Variants in LHX6 observed in about 807,000 individuals in gnomAD.
LHX6 encodes LIM homeobox 6.
A neutral mutation model predicts 47.1 loss-of-function variants in LHX6; 15 were observed. The ratio of observed to expected loss-of-function variants is 0.32; its 90% CI spans 0.21 to 0.49. LHX6 has a LOEUF of 0.49. Ranked by LOEUF, LHX6 falls within the 20% of genes least tolerant of loss-of-function variation. The pLI, the probability that LHX6 is intolerant of heterozygous loss-of-function variation, is 0.99. For missense variants in LHX6, 404 were observed against 539.6 expected (o/e 0.75, Z 2.49); for synonymous variants, 242 against 233.5 (o/e 1.04, Z -0.33).
Position 122,226,312 on chromosome 9 carries a change from T to TG in LHX6, c.461+63dup. On this transcript the variant is annotated intron_variant, in intron 4 of 9. Transcript: ENST00000394319. The surrounding 1 kb of genome is among the most constrained non-coding windows in gnomAD (Gnocchi z 6.5). The stretch of plus-strand genomic sequence containing the variant: ...GAGGAGAGACCACACGCCGCAAAAG[T>TG]GGCCTCCGAATGCGCCCGGGGCCTG... 4 of 1,552,696 alleles carry TG rather than the reference T, an allele frequency of 2.6e-6. No homozygotes were observed. The highest frequency in any genetic ancestry group is 3.5e-6 in the Non-Finnish European group (4 of 1,149,550).
chr9:122,221,133 T>G, intron 4 of LHX6: 1 of 985,496 alleles, frequency 1.0e-6, no homozygotes, highest in Non-Finnish European at 1.2e-6. Flanking sequence ...TTAGATCCTG[T>G]GAGGCGAACA....
chr9:122,204,560 G>A lies in LHX6; in HGVS notation c.*200C>T, dbSNP rs1830096926. 1 of 488,044 alleles carries A rather than the reference G, an allele frequency of 2.0e-6. No homozygotes were observed. The highest frequency in any genetic ancestry group is 3.7e-6 in the Non-Finnish European group (1 of 272,206). 30.2% of individuals were successfully genotyped at this position (488,044 alleles called of 1,614,324 possible). A position where few individuals can be genotyped will look rare whatever the true frequency, so the allele number is the denominator to read the frequency against. On this transcript the variant is annotated 3_prime_UTR_variant, in exon 10 of 10. Transcript: ENST00000394319. ...TTCTGCCTTCCAAGAGGAGGACTCT[G>A]TGGTGCTCCTGGTGGGTTCTGGTTC...
At position 122,226,493 on chromosome 9, in the gene LHX6, T is replaced by C; in HGVS notation, c.344A>G (p.Asn115Ser). The C allele has an allele frequency of 6.2e-7, 1 of 1,613,022 alleles. No individual in the cohort carries two copies. The highest frequency in any genetic ancestry group is 1.1e-5 in the South Asian group (1 of 90,998). The change falls in exon 4 of 10, where the codon AAC (asparagine) becomes AGC (serine). Residue 115 changes from asparagine (N) to serine (S), a missense_variant. Transcript: ENST00000394319. This position sits in a 1 kb window ranked among gnomAD's most constrained non-coding sequence, Gnocchi z 6.5. ...EILDRYLLKVNNLIWHVRCLE... is the reference protein window; with the variant it reads ...EILDRYLLKVSNLIWHVRCLE... ...GCACCGCACGTGCCAGATGAGGTTGTTGACCTGGGGACGGGGCGGGGACGG... is the reference window on the plus strand; with the variant it reads ...GCACCGCACGTGCCAGATGAGGTTGCTGACCTGGGGACGGGGCGGGGACGG...
chr9:122,219,185 AC>A (rs1304009946), intron 4 of LHX6, among the ~76,000 whole-genome samples: 1 of 152,224 alleles, frequency 6.6e-6, no homozygotes, highest in Non-Finnish European at 1.5e-5. Flanking sequence ...GTTGGGTTGG[AC>A]TGAGTGCAGG....
At chr9:122,216,093 G>A (rs1481625871) in intron 5 of LHX6, among the ~76,000 whole-genome samples, 1 of 152,178 alleles carries the variant, frequency 6.6e-6, no homozygotes, top group Non-Finnish European at 1.5e-5. Flanking sequence ...TTAAGAGGCT[G>A]GGCTTTGGAG....
intron 4 of LHX6, chr9:122,221,195 G>A: frequency 1.0e-6 from 1 of 985,268 alleles, no homozygotes; most frequent in African/African-American, 1.7e-5. Flanking sequence ...TTCCCTTCTA[G>A]GTAAACCCGT....
chr9:122,214,275 A>C lies in LHX6; in HGVS notation c.783+8T>G. 1 of 1,585,688 alleles carries C rather than the reference A, an allele frequency of 6.3e-7. No homozygotes were observed. On this transcript the variant is annotated splice_region_variant and intron_variant, in intron 6 of 9. Coordinates refer to ENST00000394319, the MANE Select transcript of LHX6 (RefSeq NM_014368.5). The surrounding 1 kb of genome is among the most constrained non-coding windows in gnomAD (Gnocchi z 4.6). ...CCCGCCCCCGCCGCCCACTGCTTGC[A>C]GCGGTACCTGCAGCTGTTCCGCGGT... is the stretch of plus-strand genomic sequence containing the variant.
In LHX6 at chr9:122,228,671, G is replaced by A; in HGVS notation, c.70C>T (p.Pro24Ser). Residue 24 changes from proline (P) to serine (S), a missense_variant, in exon 1 of 10, where the codon CCC (proline) becomes TCC (serine). Coordinates refer to ENST00000394319, the MANE Select transcript of LHX6 (RefSeq NM_014368.5). The stretch of plus-strand genomic sequence containing the variant: ...CGCCGGCTCACCTGGTCGGTGGCGG[G>A]GCCGCCCTCGGCCGGCAGCCGGCAG... Reference protein sequence around the residue: ...EGCRLPAEGGPATDQVMAQPG... With the variant: ...EGCRLPAEGGSATDQVMAQPG... 1.6e-6 allele frequency: 2 copies of A among 1,287,300 alleles called. No homozygotes were observed. The highest frequency in any genetic ancestry group is 9.8e-7 in the Non-Finnish European group (1 of 1,018,458). The allele number at this position is 1,287,300 out of a possible 1,614,324, so 79.7% of individuals were successfully genotyped here. A position where few individuals can be genotyped will look rare whatever the true frequency, so the allele number is the denominator to read the frequency against.
intron 1 of LHX6, chr9:122,228,096 C>G: frequency 1.6e-6 from 1 of 606,926 alleles, no homozygotes; most frequent in Non-Finnish European, 2.9e-6. Flanking sequence ...ACCCCGAGCG[C>G]GGTGAGCACC....
At position 122,217,701 on chromosome 9, in the gene LHX6, G is replaced by C. The variant is rs559379933; in HGVS notation, c.462-413C>G. On this transcript the variant is annotated intron_variant, in intron 4 of 9. Transcript: ENST00000394319. The surrounding 1 kb of genome is among the most constrained non-coding windows in gnomAD (Gnocchi z 4.9). Reference sequence around the variant, plus strand: ...CTCATTTTGCAGGTGAGGAAAATGGGGACTAGAGAGGTAAAGTAACTTGCA... The same window carrying C: ...CTCATTTTGCAGGTGAGGAAAATGGCGACTAGAGAGGTAAAGTAACTTGCA... Among the ~76,000 whole-genome samples, 192 of 152,256 alleles carry C rather than the reference G, an allele frequency of 1.3e-3. 1 individual carries two copies. The highest frequency in any genetic ancestry group is 4.1e-3 in the African/African-American group (172 of 41,552).
intron 4 of LHX6, among the ~76,000 whole-genome samples, chr9:122,220,056 C>T (rs568498223): frequency 3.9e-5 from 6 of 152,346 alleles, no homozygotes; most frequent in African/African-American, 1.4e-4. Context: ...GCGCTTGGCT[C>T]GTGGGATTCT....
intron 4 of LHX6, among the ~76,000 whole-genome samples, chr9:122,225,023 T>C (rs575091547): frequency 1.3e-5 from 2 of 152,288 alleles, no homozygotes; most frequent in South Asian, 4.1e-4. Flanking sequence ...CTCATGGTTT[T>C]CAGAGTACCC....
At position 122,209,649 on chromosome 9, in the gene LHX6, C is replaced by T. The variant is rs781424815; in HGVS notation, c.1123G>A (p.Asp375Asn). The change falls in exon 9 of 10, where the codon GAT becomes AAT. Residue 375 changes from aspartate to asparagine, a missense_variant. Transcript: ENST00000394319. The part of the protein sequence containing the change: ...YTAPPVHLKA[D>N]MDGPLSNRGE... ...CGGTTGGAGAGCGGCCCATCCATAT[C>T]GGCTTTGAGGTGGACGGGGGGTGCG... 13 of 1,532,782 alleles carry T rather than the reference C, an allele frequency of 8.5e-6. No individual in the cohort carries two copies. The highest frequency in any genetic ancestry group is 1.1e-5 in the South Asian group (1 of 89,456). The allele number at this position is 1,532,782 out of a possible 1,614,324, so 94.9% of individuals were successfully genotyped here. A position where few individuals can be genotyped will look rare whatever the true frequency, so the allele number is the denominator to read the frequency against.
chr9:122,212,722 C>A (rs1436508720), intron 8 of LHX6, among the ~76,000 whole-genome samples: 1 of 152,164 alleles, frequency 6.6e-6, no homozygotes, highest in Non-Finnish European at 1.5e-5. Context: ...TGCATCTCCG[C>A]CACAGTACTC....
chr9:122,214,128 A>T lies in LHX6; in HGVS notation c.784-59T>A. The T allele has an allele frequency of 6.6e-7, 1 of 1,511,264 alleles. No homozygotes were observed. Among genetic ancestry groups the T allele is most frequent in the South Asian group, 1.2e-5 (1 of 85,666 alleles). 93.6% of individuals were successfully genotyped at this position (1,511,264 alleles called of 1,614,324 possible). On this transcript the variant is annotated intron_variant, in intron 6 of 9. Coordinates refer to ENST00000394319, the MANE Select transcript of LHX6 (RefSeq NM_014368.5). This position sits in a 1 kb window ranked among gnomAD's most constrained non-coding sequence, Gnocchi z 4.6. ...CGCAGAGACTCCGAGACCCCGGCCC[A>T]ATCAGCGGCGCCAGTCCACAGGCCA...
In LHX6 at chr9:122,213,528, C is replaced by T; in HGVS notation, c.1054+78G>A. The T allele has an allele frequency of 1.5e-6, 2 of 1,351,490 alleles. No individual in the cohort carries two copies. Among genetic ancestry groups the T allele is most frequent in the Non-Finnish European group, 2.0e-6 (2 of 1,013,954 alleles). 83.7% of individuals were successfully genotyped at this position (1,351,490 alleles called of 1,614,324 possible). On this transcript the variant is annotated intron_variant, in intron 8 of 9. Coordinates refer to ENST00000394319, the MANE Select transcript of LHX6 (RefSeq NM_014368.5). The surrounding 1 kb of genome is among the most constrained non-coding windows in gnomAD (Gnocchi z 5.5). ...CCCCAAGGCCCTCCACCCCACGCCT[C>T]GGCCTCAGCCGCCCACGTGCGCTCC...
intron 1 of LHX6, chr9:122,228,290 C>T: frequency 6.5e-7 from 1 of 1,535,042 alleles, no homozygotes; most frequent in South Asian, 1.2e-5. Flanking sequence ...CCTCCAGCCC[C>T]TCGGCGCGCC....
chr9:122,227,179 G>C, intron 2 of LHX6, 149 bp from the exon 3 acceptor site: 1 of 821,602 alleles, frequency 1.2e-6, no homozygotes, highest in African/African-American at 1.8e-5. Context: ...GGGATGGAAG[G>C]GCCTATTGGA....
chr9:122,216,787 C>T (rs74343013), intron 5 of LHX6, among the ~76,000 whole-genome samples: 2,926 of 152,316 alleles, frequency 0.019, 91 homozygotes, highest in African/African-American at 0.066. Flanking sequence ...CTTTACAACA[C>T]ATCAGCTAGC....
Sources: gnomAD v4.1 joint callset for allele counts (sites outside exome capture counted in the v4.1 genomes callset) on GRCh38, gnomAD v4.1.1 for gene constraint, Gnocchi (gnomAD v3.1) non-coding constraint, MANE v1.5 for transcripts, NCBI Gene and HGNC (gene_info 2026-07-23, HGNC 2026-07-21) for gene names.